The following ZDHHC13 variants were observed in gnomAD, a reference collection of about 807,000 sequenced individuals.
ZDHHC13 encodes zDHHC palmitoyltransferase 13.
Under a neutral mutation model 86.0 loss-of-function variants are expected in ZDHHC13, and 85 were observed. That is an observed-to-expected ratio of 0.99 (90% confidence interval 0.83 to 1.18). The LOEUF (loss-of-function observed/expected upper bound fraction) is 1.18, where lower values mean the gene tolerates loss of function less well. Ranked by LOEUF, ZDHHC13 falls within the 50% of genes most tolerant of loss-of-function variation. The probability of loss-of-function intolerance (pLI) is 0.00; values close to 1 mark genes in which losing one functional copy is unlikely to be tolerated. For missense variants in ZDHHC13, 711 were observed against 730.2 expected (o/e 0.97, Z 0.30); for synonymous variants, 263 against 246.4 (o/e 1.07, Z -0.63).
chr11:19,128,564 A>T (rs983705350), intron 1 of ZDHHC13, among the ~76,000 whole-genome samples: 4 of 152,226 alleles, frequency 2.6e-5, no homozygotes, highest in Non-Finnish European at 1.5e-5. Context: ...AAAAATATTT[A>T]AAAACTGTCT....
chr11:19,140,570 A>G (rs1310812059), intron 1 of ZDHHC13, among the ~76,000 whole-genome samples: 1 of 152,170 alleles, frequency 6.6e-6, no homozygotes, highest in Non-Finnish European at 1.5e-5. Context: ...TACTGGGTAT[A>G]TGCCCAAAGG....
Position 19,149,209 on chromosome 11 carries a change from A to G in ZDHHC13, c.397A>G (p.Ile133Val), listed in dbSNP as rs1849547005. ...AIRQGHLPMVILLLQHGADPT... is the reference protein window; with the variant it reads ...AIRQGHLPMVVLLLQHGADPT... The stretch of plus-strand genomic sequence containing the variant: ...CAGACAAGGACATTTACCTATGGTC[A>G]TATTATTACTCCAGCATGGTGCAGA... Residue 133 changes from isoleucine (I) to valine (V), a missense_variant, in exon 5 of 17, where the codon ATA becomes GTA. Ile to Val is a conservative substitution (Grantham distance 29). Coordinates refer to ENST00000446113, the MANE Select transcript of ZDHHC13 (RefSeq NM_019028.3). 6.3e-7 allele frequency: 1 copy of G among 1,593,512 alleles called. No homozygotes were observed. Among genetic ancestry groups the G allele is most frequent in the Non-Finnish European group, 8.6e-7 (1 of 1,167,456 alleles).
intron 15 of ZDHHC13, among the ~76,000 whole-genome samples, chr11:19,171,503 T>C (rs1171344028): frequency 6.6e-6 from 1 of 152,126 alleles, no homozygotes; most frequent in Non-Finnish European, 1.5e-5. Context: ...AGAAAATGTT[T>C]AGGGATGAAA....
At chr11:19,163,519 T>TA in intron 11 of ZDHHC13, 92 bp downstream of exon 11, 1 of 1,292,130 alleles carries the variant, frequency 7.7e-7, no homozygotes, top group Non-Finnish European at 1.0e-6. Flanking sequence ...TGCTTTTTGT[T>TA]ACGGCTGCAT....
chr11:19,170,113 C>A, intron 14 of ZDHHC13: 1 of 1,177,674 alleles, frequency 8.5e-7, no homozygotes. Flanking sequence ...TAACTTCAGG[C>A]TAGTATATCT....
chr11:19,174,517 A>G (rs947275840), intron 16 of ZDHHC13, among the ~76,000 whole-genome samples: 4 of 152,216 alleles, frequency 2.6e-5, no homozygotes, highest in African/African-American at 9.7e-5. Context: ...GCAGAACACA[A>G]TCTTCTAAAC....
At chr11:19,135,480 G>A (rs908040061) in intron 1 of ZDHHC13, among the ~76,000 whole-genome samples, 2 of 152,238 alleles carry the variant, frequency 1.3e-5, no homozygotes, top group East Asian at 1.9e-4. Flanking sequence ...ACTGCAAGGC[G>A]GCAGCGAGGC....
In ZDHHC13 at chr11:19,165,204, T is replaced by G. The variant is rs569088631; in HGVS notation, c.1390+59T>G. On this transcript the variant is annotated intron_variant, in intron 13 of 16. Transcript: ENST00000446113. ...AGTTAAGCATATGTTTAGTTATGACTCACAGAAAAAGTGGAAGGGCATCCT... is the reference window on the plus strand; with the variant it reads ...AGTTAAGCATATGTTTAGTTATGACGCACAGAAAAAGTGGAAGGGCATCCT... 2.1e-5 allele frequency: 32 copies of G among 1,531,506 alleles called. No individual in the cohort carries two copies. The East Asian group carries it at 7.0e-4, about 33-fold the overall frequency. The allele number at this position is 1,531,506 out of a possible 1,614,324, so 94.9% of individuals were successfully genotyped here. A position where few individuals can be genotyped will look rare whatever the true frequency, so the allele number is the denominator to read the frequency against.
chr11:19,150,292 G>T (rs369826515), intron 5 of ZDHHC13, among the ~76,000 whole-genome samples: 3 of 152,160 alleles, frequency 2.0e-5, no homozygotes, highest in African/African-American at 7.2e-5. Context: ...AGTCCAGAAA[G>T]ACAAGTTGCC....
intron 5 of ZDHHC13, among the ~76,000 whole-genome samples, chr11:19,150,242 G>A (rs1277973981): frequency 1.3e-5 from 2 of 151,994 alleles, no homozygotes; most frequent in East Asian, 3.9e-4. Flanking sequence ...AAAATAGAAA[G>A]GAAATTTTCA....
chr11:19,139,207 T>A (rs1590069112), intron 1 of ZDHHC13, among the ~76,000 whole-genome samples: 1 of 152,104 alleles, frequency 6.6e-6, no homozygotes, highest in East Asian at 1.9e-4. Flanking sequence ...ATAAGCAACT[T>A]CAGCAAAGTC....
intron 8 of ZDHHC13, among the ~76,000 whole-genome samples, chr11:19,153,521 A>C (rs1849668615): frequency 6.6e-6 from 1 of 152,206 alleles, no homozygotes; most frequent in African/African-American, 2.4e-5. Context: ...TGCATTAGGC[A>C]TGTGGAGTGG....
chr11:19,163,505 G>A, intron 11 of ZDHHC13, 78 bp downstream of exon 11: 1 of 1,358,492 alleles, frequency 7.4e-7, no homozygotes, highest in Non-Finnish European at 9.5e-7. Flanking sequence ...ATATGCAGAT[G>A]TGTTGCTTTT....
intron 1 of ZDHHC13, among the ~76,000 whole-genome samples, chr11:19,128,357 A>G (rs759840580): frequency 1.5e-4 from 23 of 152,144 alleles, no homozygotes; most frequent in Non-Finnish European, 1.6e-4. Context: ...GGCCAATACT[A>G]TAGGGTTTTC....
At chr11:19,152,043 ATACTT>A (rs2133428516) in intron 6 of ZDHHC13, 110 bp from the exon 7 acceptor site, 1 of 1,142,856 alleles carries the variant, frequency 8.8e-7, no homozygotes, top group African/African-American at 1.5e-5. Flanking sequence ...TCAGTTCTGA[ATACTT>A]AACTGAATGG....
At chr11:19,136,086 G>A (rs1184819173) in intron 1 of ZDHHC13, among the ~76,000 whole-genome samples, 3 of 152,204 alleles carry the variant, frequency 2.0e-5, no homozygotes, top group African/African-American at 7.2e-5. Flanking sequence ...TGACTTTGAC[G>A]AGCTGAGAGA....
At chr11:19,154,011 G>A (rs1849689005) in intron 8 of ZDHHC13, among the ~76,000 whole-genome samples, 1 of 152,060 alleles carries the variant, frequency 6.6e-6, no homozygotes, top group African/African-American at 2.4e-5. Context: ...TGTAAGTCGG[G>A]TCATGTCACT....
intron 15 of ZDHHC13, 113 bp downstream of exon 15, chr11:19,170,681 A>G (rs1415560369): frequency 5.8e-6 from 6 of 1,038,432 alleles, no homozygotes; most frequent in Non-Finnish European, 8.1e-6. Context: ...TCTGTCACTG[A>G]CTCTGTGGGT....
intron 11 of ZDHHC13, 29 bp from the exon 12 acceptor site, chr11:19,164,271 TG>T (rs1849993609): frequency 6.2e-7 from 1 of 1,609,358 alleles, no homozygotes; most frequent in East Asian, 2.2e-5. Flanking sequence ...CAATAAAATG[TG>T]GTAATAGGTC....
Sources: gnomAD v4.1 joint callset for allele counts (sites outside exome capture counted in the v4.1 genomes callset) on GRCh38, gnomAD v4.1.1 for gene constraint, MANE v1.5 for transcripts, NCBI Gene and HGNC (gene_info 2026-07-23, HGNC 2026-07-21) for gene names.